Variants in UBE2E2 observed in about 807,000 individuals in gnomAD.
UBE2E2 encodes the protein ubiquitin conjugating enzyme E2 E2, also known as ubiquitin-conjugating enzyme E2 E2.
Under a neutral mutation model 24.7 loss-of-function variants are expected in UBE2E2, and 6 were observed. That is an observed-to-expected ratio of 0.24 (90% CI 0.13 to 0.48). The LOEUF is 0.48. Among genes scored for constraint, UBE2E2 ranks in the 20% least tolerant of loss-of-function variants. The pLI, the probability that UBE2E2 is intolerant of heterozygous loss-of-function variation, is 0.99. For synonymous variants in UBE2E2, 104 were observed against 83.6 expected (o/e 1.24, Z -1.33); for missense variants, 169 against 245.0 (o/e 0.69, Z 2.07).
At chr3:23,290,060 G>C (rs752697316) in intron 3 of UBE2E2, among the ~76,000 whole-genome samples, 9 of 152,232 alleles carry the variant, frequency 5.9e-5, no homozygotes, top group Admixed American at 1.3e-4. Flanking sequence ...TTTTAAGCCA[G>C]TTTATATTTT....
intron 4 of UBE2E2, among the ~76,000 whole-genome samples, chr3:23,513,559 G>T (rs747240005): frequency 1.3e-4 from 20 of 151,952 alleles, no homozygotes; most frequent in African/African-American, 4.8e-4. Flanking sequence ...AAATATATCC[G>T]TGGGATAAAT....
chr3:23,581,431 T>G (rs531267458), intron 5 of UBE2E2, among the ~76,000 whole-genome samples: 1 of 152,306 alleles, frequency 6.6e-6, no homozygotes, highest in East Asian at 1.9e-4. Flanking sequence ...GAAGAGAATG[T>G]CTTTAAGAAG....
chr3:23,291,075 A>G (rs947889296), intron 3 of UBE2E2, among the ~76,000 whole-genome samples: 1 of 146,368 alleles, frequency 6.8e-6, no homozygotes, highest in African/African-American at 2.5e-5. Context: ...TCTTTAAAAA[A>G]AAAAAACAAA....
chr3:23,223,418 C>G (rs985983531), intron 3 of UBE2E2, among the ~76,000 whole-genome samples: 3 of 152,058 alleles, frequency 2.0e-5, no homozygotes, highest in African/African-American at 7.2e-5. Context: ...GTCTCAAACT[C>G]CTGACCTCAA....
intron 5 of UBE2E2, among the ~76,000 whole-genome samples, chr3:23,575,645 T>A (rs543871642): frequency 2.6e-5 from 4 of 152,118 alleles, no homozygotes; most frequent in Non-Finnish European, 5.9e-5. Context: ...AAGCTGATAA[T>A]GAGTTGGTGA....
intron 3 of UBE2E2, among the ~76,000 whole-genome samples, chr3:23,242,068 C>A (rs557521166): frequency 6.6e-6 from 1 of 152,198 alleles, no homozygotes; most frequent in Non-Finnish European, 1.5e-5. Context: ...GGCTAACACA[C>A]CTAGCTAAAT....
intron 3 of UBE2E2, among the ~76,000 whole-genome samples, chr3:23,416,866 C>G (rs1220362006): frequency 6.6e-6 from 1 of 152,088 alleles, no homozygotes; most frequent in South Asian, 2.1e-4. Flanking sequence ...GTGTATGCTC[C>G]ACGAAGTTCT....
intron 4 of UBE2E2, among the ~76,000 whole-genome samples, chr3:23,522,279 C>T (rs9835324): frequency 0.32 from 48,929 of 151,636 alleles, 8,303 homozygotes; most frequent in East Asian, 0.51. Flanking sequence ...TACAGGCGCC[C>T]GCCACCACGC....
chr3:23,476,066 C>T (rs1342929755), intron 3 of UBE2E2, among the ~76,000 whole-genome samples: 1 of 152,060 alleles, frequency 6.6e-6, no homozygotes, highest in Non-Finnish European at 1.5e-5. Flanking sequence ...TCTCCTCTTC[C>T]TTCCCTTTCC....
chr3:23,452,449 G>T (rs1698581875), intron 3 of UBE2E2, among the ~76,000 whole-genome samples: 1 of 152,044 alleles, frequency 6.6e-6, no homozygotes, highest in African/African-American at 2.4e-5. Flanking sequence ...TGATAAGAAT[G>T]TATGTTTTGA....
At chr3:23,324,406 A>T (rs1005882588) in intron 3 of UBE2E2, among the ~76,000 whole-genome samples, 2 of 152,098 alleles carry the variant, frequency 1.3e-5, no homozygotes, top group Non-Finnish European at 2.9e-5. Flanking sequence ...TTATGAAGGG[A>T]ATTTAAAAGG....
chr3:23,326,002 T>C (rs1276179803), intron 3 of UBE2E2, among the ~76,000 whole-genome samples: 4 of 152,256 alleles, frequency 2.6e-5, no homozygotes, highest in African/African-American at 9.6e-5. Flanking sequence ...ATTTGATTCT[T>C]GGAGACTCCC....
intron 5 of UBE2E2, among the ~76,000 whole-genome samples, chr3:23,559,552 T>C (rs558401613): frequency 6.6e-6 from 1 of 152,356 alleles, no homozygotes; most frequent in South Asian, 2.1e-4. Flanking sequence ...AAGATAGTCA[T>C]GTTTAACTAA....
Position 23,576,351 on chromosome 3 carries a change from C to T in UBE2E2, c.509-13383C>T, listed in dbSNP as rs189020023. On this transcript the variant is annotated intron_variant, in intron 5 of 5. Coordinates refer to ENST00000396703, the MANE Select transcript of UBE2E2 (RefSeq NM_152653.4). ...GTGGAACTGCCGGAGGACAGTGGAT[C>T]ATAGCCTTGAAGAATCCAAGAAATG... Among the ~76,000 whole-genome samples, 27 of 152,228 alleles carry T rather than the reference C, an allele frequency of 1.8e-4. No homozygotes were observed. In the South Asian group the frequency reaches 2.1e-3, roughly 12 times the overall value.
chr3:23,589,747 G>A lies in UBE2E2; in HGVS notation c.522G>A (p.Val174=). 6.2e-7 allele frequency: 1 copy of A among 1,613,992 alleles called. No individual in the cohort carries two copies. The highest frequency in any genetic ancestry group is 8.5e-7 in the Non-Finnish European group (1 of 1,179,912). Residue 174 remains valine, a synonymous_variant, in exon 6 of 6, where the codon GTG becomes GTA. Transcript: ENST00000396703. This position sits in a 1 kb window ranked among gnomAD's most constrained non-coding sequence, Gnocchi z 4.1. ...LTDCNPADPL[V]GSIATQYMTN... ...CTTTCCTTGCAGCTGACCCTCTGGT[G>A]GGCAGCATCGCCACACAGTACATGA...
intron 2 of UBE2E2, among the ~76,000 whole-genome samples, chr3:23,211,215 AAGTT>A (rs1696312925): frequency 6.6e-6 from 1 of 152,122 alleles, no homozygotes; most frequent in Non-Finnish European, 1.5e-5. Flanking sequence ...AGAAGATTAA[AAGTT>A]AGAGGTAGTT....
chr3:23,447,576 T>C (rs1214317993), intron 3 of UBE2E2, among the ~76,000 whole-genome samples: 1 of 152,144 alleles, frequency 6.6e-6, no homozygotes, highest in African/African-American at 2.4e-5. Flanking sequence ...CTACATTTTG[T>C]GGAAAAACAA....
intron 3 of UBE2E2, among the ~76,000 whole-genome samples, chr3:23,305,262 A>G (rs2125269563): frequency 6.6e-6 from 1 of 152,380 alleles, no homozygotes; most frequent in African/African-American, 2.4e-5. Flanking sequence ...CATAACAGCT[A>G]ATTCAGCTTG....
At chr3:23,283,891 A>T (rs1156729883) in intron 3 of UBE2E2, among the ~76,000 whole-genome samples, 1 of 152,174 alleles carries the variant, frequency 6.6e-6, no homozygotes, top group South Asian at 2.1e-4. Flanking sequence ...AGTGTTTAAA[A>T]GGCCCTGTCC....
Sources: gnomAD v4.1 joint callset for allele counts (sites outside exome capture counted in the v4.1 genomes callset) on GRCh38, gnomAD v4.1.1 for gene constraint, Gnocchi (gnomAD v3.1) non-coding constraint, MANE v1.5 for transcripts, NCBI Gene and HGNC (gene_info 2026-07-23, HGNC 2026-07-21) for gene names.